Variants in ZFHX3 observed in about 807,000 individuals in gnomAD.
The protein encoded by ZFHX3 is zinc finger homeobox protein 3.
A neutral mutation model predicts 279.1 loss-of-function variants in ZFHX3; 42 were observed. The observed-to-expected ratio is 0.15, with a 90% CI of 0.12 to 0.19. The LOEUF (loss-of-function observed/expected upper bound fraction) is 0.19. Ranked by LOEUF, ZFHX3 falls within the 10% of genes least tolerant of loss-of-function variation. ZFHX3 has a pLI of 1.00. For synonymous variants in ZFHX3, 2,293 were observed against 1,957.8 expected (o/e 1.17, Z -4.52); for missense variants, 4,981 against 4,754.0 (o/e 1.05, Z -1.40).
chr16:73,603,312 A>T (rs2052143230), intron 2 of ZFHX3, among the ~76,000 whole-genome samples: 2 of 151,894 alleles, frequency 1.3e-5, no homozygotes, highest in South Asian at 4.1e-4. Context: ...AAAAGAAAAG[A>T]AAAAAAGAAA....
chr16:73,099,710 CAAAAAA>C (rs756694525), intron 7 of ZFHX3, among the ~76,000 whole-genome samples: 2,359 of 90,948 alleles, frequency 0.026, 73 homozygotes, highest in African/African-American at 0.09. Flanking sequence ...GACTCCATCT[CAAAAAA>C]AAAAAAAAAA....
At chr16:72,849,304 A>G (rs2037555263) in intron 4 of ZFHX3, among the ~76,000 whole-genome samples, 1 of 152,160 alleles carries the variant, frequency 6.6e-6, no homozygotes, top group Non-Finnish European at 1.5e-5. Flanking sequence ...GCTGCAAGAG[A>G]AAAACGTGGC....
chr16:73,843,873 CTG>C (rs1161488979), intron 1 of ZFHX3, among the ~76,000 whole-genome samples: 3 of 152,230 alleles, frequency 2.0e-5, no homozygotes, highest in African/African-American at 4.8e-5. Flanking sequence ...AGGGGCGTGG[CTG>C]TGTTTCAATA....
intron 2 of ZFHX3, among the ~76,000 whole-genome samples, chr16:73,626,050 G>A (rs933676906): frequency 1.6e-4 from 25 of 152,150 alleles, no homozygotes; most frequent in South Asian, 4.2e-4. Flanking sequence ...TAGAGACGGG[G>A]TTTCATCGTG....
chr16:73,764,259 A>G (rs966965977), intron 1 of ZFHX3, among the ~76,000 whole-genome samples: 2 of 152,152 alleles, frequency 1.3e-5, no homozygotes, highest in African/African-American at 2.4e-5. Flanking sequence ...GCTCTTTGAC[A>G]TTGCTTGCTG....
intron 3 of ZFHX3, among the ~76,000 whole-genome samples, chr16:73,375,355 T>C (rs1348297584): frequency 1.3e-5 from 2 of 152,206 alleles, no homozygotes; most frequent in Non-Finnish European, 2.9e-5. Flanking sequence ...TCATCTTGTA[T>C]GTTTCCTTCC....
chr16:73,030,295 A>T (rs1889902781), intron 1 of ZFHX3, among the ~76,000 whole-genome samples: 1 of 152,240 alleles, frequency 6.6e-6, no homozygotes, highest in South Asian at 2.1e-4. Context: ...CATAGCACGG[A>T]GACAGATCCC....
At chr16:73,539,721 C>A (rs1041208069) in intron 2 of ZFHX3, among the ~76,000 whole-genome samples, 1 of 152,074 alleles carries the variant, frequency 6.6e-6, no homozygotes, top group African/African-American at 2.4e-5. Context: ...ACCGCCTGCC[C>A]GTGTAGGTCC....
At chr16:72,931,783 C>CA (rs1239239770) in intron 3 of ZFHX3, among the ~76,000 whole-genome samples, 1 of 152,116 alleles carries the variant, frequency 6.6e-6, no homozygotes, top group African/African-American at 2.4e-5. Context: ...GAGCCACGGA[C>CA]ACTGTGGTTT....
At chr16:72,916,345 G>A (rs563402827) in intron 3 of ZFHX3, among the ~76,000 whole-genome samples, 20 of 152,278 alleles carry the variant, frequency 1.3e-4, no homozygotes, top group African/African-American at 4.3e-4. Context: ...TATGGTAAGA[G>A]GTCTCTGTAC....
chr16:73,743,394 C>T (rs142621568), intron 1 of ZFHX3, among the ~76,000 whole-genome samples: 359 of 152,274 alleles, frequency 2.4e-3, no homozygotes, highest in Non-Finnish European at 4.0e-3. Context: ...AATACTTATA[C>T]ATATATTTGA....
At chr16:73,638,615 T>C (rs182378076) in intron 2 of ZFHX3, among the ~76,000 whole-genome samples, 184 of 152,316 alleles carry the variant, frequency 1.2e-3, no homozygotes, top group African/African-American at 3.6e-3. Context: ...AATAAACATA[T>C]GCTAAACAAA....
chr16:73,501,884 A>G (rs1363187298), intron 2 of ZFHX3, among the ~76,000 whole-genome samples: 1 of 152,170 alleles, frequency 6.6e-6, no homozygotes, highest in Non-Finnish European at 1.5e-5. Flanking sequence ...TGAGGAGCCG[A>G]CAGTAGCCTC....
At chr16:73,572,168 T>TA (rs36024411) in intron 2 of ZFHX3, among the ~76,000 whole-genome samples, 91,081 of 139,886 alleles carry the variant, frequency 0.65, 30,694 homozygotes, top group Middle Eastern at 0.76. Context: ...TAAATATTCT[T>TA]AAAAAAAAAA....
In ZFHX3 at chr16:73,386,406, C is replaced by T. The variant is rs189141883; in HGVS notation, c.-1290-68070G>A. On this transcript the variant is annotated intron_variant, in intron 3 of 17. Transcript: ENST00000641206. ...AAGCAACTTAAATGCTCTGAATCCC[C>T]GTTTGCTTATTTTTTTAAATATATG... 2.7e-4 allele frequency among the ~76,000 whole-genome samples: 41 copies of T among 152,144 alleles called. No individual in the cohort carries two copies. In the East Asian group the frequency reaches 6.8e-3, roughly 25 times the overall value.
intron 1 of ZFHX3, among the ~76,000 whole-genome samples, chr16:73,696,921 A>G (rs750164071): frequency 2.6e-5 from 4 of 152,216 alleles, no homozygotes; most frequent in Admixed American, 2.6e-4. Flanking sequence ...ATCAATAGTG[A>G]GCATTTTATC....
chr16:72,983,566 G>A (rs1329833560), intron 1 of ZFHX3, among the ~76,000 whole-genome samples: 1 of 152,190 alleles, frequency 6.6e-6, no homozygotes, highest in African/African-American at 2.4e-5. Context: ...AATTAGCTGG[G>A]AGTGGTGGCA....
intron 7 of ZFHX3, among the ~76,000 whole-genome samples, chr16:73,120,268 T>C (rs940483133): frequency 6.6e-6 from 1 of 152,066 alleles, no homozygotes; most frequent in Non-Finnish European, 1.5e-5. Context: ...TTGTTGTTGT[T>C]ATTGTTGTTA....
intron 5 of ZFHX3, among the ~76,000 whole-genome samples, chr16:73,252,991 T>C (rs1443958071): frequency 2.0e-5 from 3 of 152,176 alleles, no homozygotes; most frequent in East Asian, 1.9e-4. Context: ...GCAGAACTGA[T>C]TGACAACCTC....
Sources: allele counts gnomAD v4.1 joint callset (sites outside exome capture counted in the v4.1 genomes callset), GRCh38; gene constraint gnomAD v4.1.1; transcripts MANE v1.5; gene names NCBI Gene and HGNC (gene_info 2026-07-23, HGNC 2026-07-21).